The following KAT14 variants were observed in gnomAD, a reference collection of about 807,000 sequenced individuals.
The protein encoded by KAT14 is lysine acetyltransferase 14.
A neutral mutation model predicts 78.4 loss-of-function variants in KAT14; 66 were observed. That is an observed-to-expected ratio of 0.84 (90% CI 0.69 to 1.03). The LOEUF (loss-of-function observed/expected upper bound fraction) is 1.03. Ranked by LOEUF, KAT14 falls within the 50% of genes least tolerant of loss-of-function variation. KAT14 has a pLI of 0.00. For missense variants in KAT14, 870 were observed against 972.5 expected (o/e 0.89, Z 1.40); for synonymous variants, 344 against 359.4 (o/e 0.96, Z 0.48).
intron 7 of KAT14, among the ~76,000 whole-genome samples, chr20:18,164,785 T>G (rs2038580032): frequency 6.6e-6 from 1 of 151,202 alleles, no homozygotes; most frequent in South Asian, 2.1e-4. Context: ...CTCAGCTAAT[T>G]TTTTTTTTAA....
intron 1 of KAT14, 181 bp downstream of exon 1, chr20:18,138,232 CTGCAGCTCCCGGCGGGCGTG>C: frequency 3.2e-6 from 4 of 1,250,498 alleles, no homozygotes; most frequent in Non-Finnish European, 3.0e-6. Flanking sequence ...GCTCCGGGCG[CTGCAGCTCCCGGCGGGCGTG>C]TGCAGCCCGC....
At chr20:18,139,782 G>T (rs779461443) in intron 1 of KAT14, among the ~76,000 whole-genome samples, 8 of 152,186 alleles carry the variant, frequency 5.3e-5, no homozygotes, top group Non-Finnish European at 7.4e-5. Context: ...GTGTCGGAAG[G>T]TTCAAGGAAG....
At chr20:18,171,273 G>T (rs1350287031) in intron 7 of KAT14, among the ~76,000 whole-genome samples, 3 of 152,218 alleles carry the variant, frequency 2.0e-5, no homozygotes, top group Non-Finnish European at 4.4e-5. Context: ...AGAATTAGAA[G>T]TGGAGCCTGA....
At chr20:18,141,047 A>ATTTT (rs59461611) in intron 1 of KAT14, among the ~76,000 whole-genome samples, 2 of 92,854 alleles carry the variant, frequency 2.2e-5, no homozygotes, top group African/African-American at 8.9e-5. Flanking sequence ...TTTTTTTTTT[A>ATTTT]TTTTTATTTT....
chr20:18,183,258 C>G lies in KAT14; in HGVS notation c.1941C>G (p.Ile647Met), dbSNP rs1316372669. 2 of 1,614,076 alleles carry G rather than the reference C, an allele frequency of 1.2e-6. No individual in the cohort carries two copies. Among genetic ancestry groups the G allele is most frequent in the East Asian group, 2.2e-5 (1 of 44,884 alleles). The change falls in exon 9 of 11, where the codon ATC (isoleucine) becomes ATG (methionine). Residue 647 changes from isoleucine (I) to methionine (M), a missense_variant. Ile to Met is a conservative substitution (Grantham distance 10). Transcript: ENST00000688188. ...LDYCYVRPNH[I>M]PTINSMCQEF... ...ACTGTTATGTGCGGCCAAATCACATCCCAACGATCAACTCCATGTGTCAGG... is the reference window on the plus strand; with the variant it reads ...ACTGTTATGTGCGGCCAAATCACATGCCAACGATCAACTCCATGTGTCAGG...
chr20:18,176,784 C>T (rs1392710257), intron 7 of KAT14, among the ~76,000 whole-genome samples: 2 of 151,894 alleles, frequency 1.3e-5, no homozygotes, highest in African/African-American at 4.8e-5. Context: ...GCATTCTGAA[C>T]ATATGGTAGG....
chr20:18,137,838 G>A, upstream of KAT14: 1 of 1,091,594 alleles, frequency 9.2e-7, no homozygotes, highest in Non-Finnish European at 1.2e-6. Flanking sequence ...GCACGCGACG[G>A]CTGGGGCTCT....
At chr20:18,150,440 C>T (rs2037990700) in intron 3 of KAT14, among the ~76,000 whole-genome samples, 4 of 152,134 alleles carry the variant, frequency 2.6e-5, no homozygotes, top group Admixed American at 2.6e-4. Context: ...TGGAGGCCTC[C>T]TGCTGGCCAG....
intron 5 of KAT14, 122 bp from the exon 6 acceptor site, chr20:18,161,701 A>G (rs1168657992): frequency 4.5e-6 from 6 of 1,346,124 alleles, no homozygotes; most frequent in Non-Finnish European, 5.9e-6. Context: ...GGTTTGGGAT[A>G]CTCAGCCAAT....
chr20:18,159,181 G>A lies in KAT14; in HGVS notation c.598G>A (p.Gly200Arg), dbSNP rs372111385. ...AGGTGCTCAGGAATTTGGAGAGCCA[G>A]GATGGTGGAAACTTGTTCATAACAA... The part of the protein sequence containing the change: ...RSGAQEFGEP[G>R]WWKLVHNKPP... The change falls in exon 5 of 11, where the codon GGA becomes AGA. Residue 200 changes from glycine to arginine, a missense_variant. Physicochemically the swap from Gly to Arg is moderately radical, Grantham distance 125 (BLOSUM62 -2). Coordinates refer to ENST00000688188, the MANE Select transcript of KAT14 (RefSeq NM_001392073.1). 2.5e-6 allele frequency: 4 copies of A among 1,614,024 alleles called. No homozygotes were observed. The African/African-American group carries it at 5.3e-5, about 22-fold the overall frequency.
chr20:18,167,007 A>C (rs934097429), intron 7 of KAT14, among the ~76,000 whole-genome samples: 7 of 152,124 alleles, frequency 4.6e-5, no homozygotes, highest in Non-Finnish European at 8.8e-5. Context: ...GAGGGACCTT[A>C]GCATTCAGCT....
At chr20:18,183,666 G>T (rs900748716) in intron 9 of KAT14, 2 of 483,696 alleles carry the variant, frequency 4.1e-6, no homozygotes, top group Admixed American at 1.3e-4. Context: ...TTTATGTTTT[G>T]TTTATTTAGC....
chr20:18,150,910 T>G lies in KAT14; in HGVS notation c.468T>G (p.Ile156Met). The G allele has an allele frequency of 6.2e-7, 1 of 1,614,212 alleles. No homozygotes were observed. The highest frequency in any genetic ancestry group is 2.2e-5 in the East Asian group (1 of 44,890). Residue 156 changes from isoleucine (I) to methionine (M), a missense_variant, in exon 4 of 11, where the codon ATT becomes ATG. Coordinates refer to ENST00000688188, the MANE Select transcript of KAT14 (RefSeq NM_001392073.1). ...GGAAAGAAGATATCTGTGCTTTTAT[T>G]GAGAAACATTGGACTTTTTTACTAG... ...FRWKEDICAF[I>M]EKHWTFLLGN...
Position 18,142,236 on chromosome 20 carries a change from T to C in KAT14, c.-425T>C. The C allele has an allele frequency of 6.5e-7, 1 of 1,537,176 alleles. No homozygotes were observed. Among genetic ancestry groups the C allele is most frequent in the Non-Finnish European group, 8.7e-7 (1 of 1,146,902 alleles). ...CTTCGTGACGGAGTTATCAGAGACA[T>C]TGAGAGGCAAATTCGGAAAAAAGAA... On this transcript the variant is annotated 5_prime_UTR_variant, in exon 2 of 11. Transcript: ENST00000688188.
At position 18,162,245 on chromosome 20, in the gene KAT14, AGTTT is replaced by A. The variant is rs1377168715; in HGVS notation, c.1099+12_1099+15del. 1 of 1,613,596 alleles carries A rather than the reference AGTTT, an allele frequency of 6.2e-7. No homozygotes were observed. Among genetic ancestry groups the A allele is most frequent in the Non-Finnish European group, 8.5e-7 (1 of 1,179,778 alleles). On this transcript the variant is annotated splice_region_variant and intron_variant, in intron 6 of 10. Coordinates refer to ENST00000688188, the MANE Select transcript of KAT14 (RefSeq NM_001392073.1). ...CCCACAAGCCTTGTTTCATGGTAAG[AGTTT>A]GTTTGCTTTGCTCTTTTATTTTGGG...
chr20:18,181,442 C>T (rs981553669), intron 7 of KAT14, among the ~76,000 whole-genome samples: 1 of 144,828 alleles, frequency 6.9e-6, no homozygotes, highest in Non-Finnish European at 1.5e-5. Flanking sequence ...AATCTCGGCT[C>T]ACTGCAAGCT....
rs751979985 is a variant in KAT14, at chr20:18,162,581, C to T, written c.1304C>T (p.Ser435Phe). ...AGTGAAGACACAGATTCAAACACAT[C>T]TTTGCAAACAAGGGCTAGAGAAAAG... is the stretch of plus-strand genomic sequence containing the variant. Reference protein sequence around the residue: ...IDSEDTDSNTSLQTRAREKRK... With the variant: ...IDSEDTDSNTFLQTRAREKRK... Residue 435 changes from serine (S) to phenylalanine (F), a missense_variant, in exon 7 of 11, where the codon TCT becomes TTT. Transcript: ENST00000688188. The T allele has an allele frequency of 6.2e-7, 1 of 1,614,176 alleles. No individual in the cohort carries two copies. Among genetic ancestry groups the T allele is most frequent in the South Asian group, 1.1e-5 (1 of 91,082 alleles).
At chr20:18,148,397 A>G (rs1028094362) in intron 3 of KAT14, among the ~76,000 whole-genome samples, 2 of 152,136 alleles carry the variant, frequency 1.3e-5, no homozygotes, top group African/African-American at 4.8e-5. Context: ...AAGTTTTTGC[A>G]TTCTTTTCCT....
At chr20:18,139,631 A>G (rs1209146883) in intron 1 of KAT14, among the ~76,000 whole-genome samples, 1 of 117,426 alleles carries the variant, frequency 8.5e-6, no homozygotes, top group Non-Finnish European at 1.9e-5. Context: ...GAACCAAAAT[A>G]ACGTGTGTGT....
Sources: gnomAD v4.1 joint callset for allele counts (sites outside exome capture counted in the v4.1 genomes callset) on GRCh38, gnomAD v4.1.1 for gene constraint, MANE v1.5 for transcripts, NCBI Gene and HGNC (gene_info 2026-07-23, HGNC 2026-07-21) for gene names.